The following PCDHA2 variants were observed in gnomAD, a reference collection of about 807,000 sequenced individuals.
PCDHA2 encodes protocadherin alpha-2.
PCDHA2 carries 58 observed loss-of-function variants against 66.0 expected under a neutral mutation model. The observed-to-expected ratio is 0.88, with a 90% CI of 0.71 to 1.09. The LOEUF is 1.09. Ranked by LOEUF, PCDHA2 falls within the 50% of genes least tolerant of loss-of-function variation. The pLI is 0.00. For synonymous variants in PCDHA2, 634 were observed against 554.0 expected (o/e 1.14, Z -2.03); for missense variants, 1,267 against 1,242.3 (o/e 1.02, Z -0.30).
intron 1 of PCDHA2, chr5:140,869,217 G>A: frequency 1.2e-6 from 2 of 1,613,842 alleles, no homozygotes; most frequent in South Asian, 1.1e-5. Context: ...TCTCGGAGGA[G>A]GCCAAACACG....
chr5:140,870,879 G>A (rs1554164779), intron 1 of PCDHA2: 1 of 1,613,952 alleles, frequency 6.2e-7, no homozygotes, highest in East Asian at 2.2e-5. Flanking sequence ...TGGTGGCGAA[G>A]GTGCGCGCAG....
At chr5:140,965,848 C>T (rs2095941298) in intron 1 of PCDHA2, among the ~76,000 whole-genome samples, 1 of 152,178 alleles carries the variant, frequency 6.6e-6, no homozygotes, top group Non-Finnish European at 1.5e-5. Context: ...TTTGCCAAGG[C>T]ACACACTGAA....
chr5:140,842,387 T>A lies in PCDHA2; in HGVS notation c.2388+45035T>A, dbSNP rs2150335066. On this transcript the variant is annotated intron_variant, in intron 1 of 3. Coordinates refer to ENST00000526136, the MANE Select transcript of PCDHA2 (RefSeq NM_018905.3). ...CCCTGAGATAGCACTGACTTCCTTA[T>A]CCTTGCCTGTACGTGAAGACGCTCA... The A allele has an allele frequency of 8.7e-6, 14 of 1,611,016 alleles. 1 individual carries two copies. The South Asian group carries it at 1.4e-4, about 16-fold the overall frequency.
At chr5:141,000,643 G>A (rs2097954450) in intron 3 of PCDHA2, among the ~76,000 whole-genome samples, 1 of 151,102 alleles carries the variant, frequency 6.6e-6, no homozygotes, top group Non-Finnish European at 1.5e-5. Context: ...GGGCAGGCTG[G>A]TCTCGAACTC....
chr5:140,835,981 T>C, intron 1 of PCDHA2: 2 of 1,613,332 alleles, frequency 1.2e-6, no homozygotes, highest in Non-Finnish European at 8.5e-7. Context: ...CTGTTGCAGT[T>C]CCAGGTGAGC....
At chr5:140,841,732 C>A (rs1554138500) in intron 1 of PCDHA2, 4 of 1,613,740 alleles carry the variant, frequency 2.5e-6, no homozygotes, top group Non-Finnish European at 2.5e-6. Flanking sequence ...GGGTAAAAGA[C>A]CAAAAGCTGT....
intron 1 of PCDHA2, chr5:140,823,479 A>G (rs2150065816): frequency 6.2e-7 from 1 of 1,613,312 alleles, no homozygotes; most frequent in Non-Finnish European, 8.5e-7. Context: ...TGGTGCCTCG[A>G]GTGGGTGGCA....
intron 1 of PCDHA2, chr5:140,808,146 T>C (rs1764107418): frequency 1.9e-6 from 3 of 1,614,126 alleles, no homozygotes; most frequent in African/African-American, 1.3e-5. Context: ...GAAATTATTG[T>C]AGAGGGCATT....
chr5:140,798,703 GC>G (rs1320856516), intron 1 of PCDHA2, among the ~76,000 whole-genome samples: 2 of 152,144 alleles, frequency 1.3e-5, no homozygotes, highest in African/African-American at 4.8e-5. Context: ...AAAAGATGAG[GC>G]CTGGTCTTGG....
chr5:140,962,369 AT>A (rs1181838799), intron 1 of PCDHA2, among the ~76,000 whole-genome samples: 1 of 152,154 alleles, frequency 6.6e-6, no homozygotes, highest in Admixed American at 6.5e-5. Flanking sequence ...GGCTAGTTTG[AT>A]TTTATCTGTT....
chr5:140,892,874 C>T (rs1157291129), intron 1 of PCDHA2, among the ~76,000 whole-genome samples: 2 of 152,148 alleles, frequency 1.3e-5, no homozygotes, highest in Non-Finnish European at 2.9e-5. Flanking sequence ...GCTATAATTT[C>T]GTATCCATTA....
intron 1 of PCDHA2, chr5:140,830,858 A>G (rs1554133040): frequency 6.5e-6 from 1 of 153,326 alleles, no homozygotes; most frequent in African/African-American, 2.4e-5. Context: ...CTCTTTTTTG[A>G]TCATATATTG....
At chr5:140,870,134 A>G (rs2051696193) in intron 1 of PCDHA2, 1 of 1,613,888 alleles carries the variant, frequency 6.2e-7, no homozygotes, top group African/African-American at 1.3e-5. Flanking sequence ...GACACCAACG[A>G]TAACTCTCCT....
intron 1 of PCDHA2, chr5:140,828,778 G>C (rs2150158815): frequency 1.2e-6 from 2 of 1,614,140 alleles, no homozygotes; most frequent in Non-Finnish European, 1.7e-6. Context: ...TTCAGCTGCT[G>C]GTCACAGTGC....
chr5:140,846,413 C>T (rs1209442612), intron 1 of PCDHA2, among the ~76,000 whole-genome samples: 16 of 119,220 alleles, frequency 1.3e-4, no homozygotes, highest in Non-Finnish European at 2.3e-4. Flanking sequence ...CTCGCTCTAT[C>T]TCCCAGGCTG....
intron 1 of PCDHA2, among the ~76,000 whole-genome samples, chr5:140,886,264 A>G (rs1471846282): frequency 6.6e-6 from 1 of 151,982 alleles, no homozygotes; most frequent in Non-Finnish European, 1.5e-5. Context: ...CTATTTATAG[A>G]TAAAATTTTT....
At chr5:140,919,393 T>C (rs2079115816) in intron 1 of PCDHA2, among the ~76,000 whole-genome samples, 1 of 152,222 alleles carries the variant, frequency 6.6e-6, no homozygotes, top group South Asian at 2.1e-4. Flanking sequence ...GGATGTTGTT[T>C]TCCTAAAAAC....
chr5:140,809,379 CG>C, intron 1 of PCDHA2: 1 of 1,614,006 alleles, frequency 6.2e-7, no homozygotes, highest in Admixed American at 1.7e-5. Flanking sequence ...ACCGAGGGCG[CG>C]TGCGCTCCGG....
intron 1 of PCDHA2, among the ~76,000 whole-genome samples, chr5:140,957,038 C>A (rs534661886): frequency 2.0e-5 from 3 of 151,928 alleles, no homozygotes; most frequent in African/African-American, 7.3e-5. Context: ...TTATGGGAGT[C>A]ATATAAAATA....
Sources: allele counts gnomAD v4.1 joint callset (sites outside exome capture counted in the v4.1 genomes callset), GRCh38; gene constraint gnomAD v4.1.1; transcripts MANE v1.5; gene names NCBI Gene and HGNC (gene_info 2026-07-23, HGNC 2026-07-21).